FAAH2: variants seen among roughly 807,000 people sequenced by gnomAD.
FAAH2 encodes the protein fatty-acid amide hydrolase 2.
A neutral mutation model predicts 36.9 loss-of-function variants in FAAH2; 60 were observed. The observed-to-expected ratio is 1.63, with a 90% CI of 1.32 to 2.02. The LOEUF (loss-of-function observed/expected upper bound fraction) is 2.02, where lower values mean the gene tolerates loss of function less well. Ranked by LOEUF, FAAH2 falls within the 30% of genes most tolerant of loss-of-function variation. The pLI, the probability that FAAH2 is intolerant of heterozygous loss-of-function variation, is 0.00. For missense variants in FAAH2, 689 were observed against 397.5 expected, an observed-to-expected ratio of 1.73 and a Z score of -6.23; for synonymous variants, 214 against 143.8, an observed-to-expected ratio of 1.49 and a Z score of -3.49.
intron 10 of FAAH2, among the ~76,000 whole-genome samples, chrX:57,468,418 G>C (rs759683964): frequency 3.6e-5 from 4 of 112,015 alleles, no homozygotes; most frequent in African/African-American, 9.7e-5. Flanking sequence ...TGATGGAGCT[G>C]AAAACCATGG....
At chrX:57,214,199 G>A in the FAAH2 span, among the ~76,000 whole-genome samples, 1 of 111,688 alleles carries the variant, frequency 9.0e-6, no homozygotes, top group Non-Finnish European at 1.9e-5. Context: ...TTTAGCAGTA[G>A]GTTTGTTTCT....
intron 10 of FAAH2, among the ~76,000 whole-genome samples, chrX:57,481,660 G>A (rs1413180638): frequency 8.9e-6 from 1 of 111,792 alleles, no homozygotes; most frequent in African/African-American, 3.2e-5. Flanking sequence ...GAGCTGTCTT[G>A]TATGAAGTGT....
At chrX:57,367,258 G>A (rs966793247) in intron 5 of FAAH2, among the ~76,000 whole-genome samples, 4 of 111,981 alleles carry the variant, frequency 3.6e-5, no homozygotes, top group Admixed American at 9.5e-5. Context: ...CCATGAAGTC[G>A]AAATTATTTT....
At chrX:57,417,028 A>G (rs1439427247) in intron 7 of FAAH2, among the ~76,000 whole-genome samples, 1 of 111,484 alleles carries the variant, frequency 9.0e-6, no homozygotes, top group Non-Finnish European at 1.9e-5. Flanking sequence ...TTGGCTATTG[A>G]TACTTGTGTA....
At chrX:57,201,463 A>G in the FAAH2 span, among the ~76,000 whole-genome samples, 1 of 110,403 alleles carries the variant, frequency 9.1e-6, no homozygotes, top group Non-Finnish European at 1.9e-5. Context: ...CTGCTGCTAC[A>G]CACATTATAT....
chrX:57,334,862 T>G (rs2053504153), intron 4 of FAAH2, among the ~76,000 whole-genome samples: 1 of 111,198 alleles, frequency 9.0e-6, no homozygotes, highest in African/African-American at 3.3e-5. Flanking sequence ...AATGGAAACA[T>G]TTAAAACCAG....
the FAAH2 span, among the ~76,000 whole-genome samples, chrX:57,241,998 A>T: frequency 7.1e-5 from 8 of 112,013 alleles, no homozygotes; most frequent in African/African-American, 2.6e-4. Context: ...GGGGAAGGGG[A>T]GGCTGTGGGC....
At chrX:57,480,519 AT>A (rs1426483087) in intron 10 of FAAH2, among the ~76,000 whole-genome samples, 11 of 111,287 alleles carry the variant, frequency 9.9e-5, no homozygotes, top group African/African-American at 3.6e-4. Context: ...TGGATGTGAA[AT>A]TTTGGTTTGG....
At chrX:57,294,246 C>T (rs866600614) in intron 2 of FAAH2, among the ~76,000 whole-genome samples, 1 of 112,093 alleles carries the variant, frequency 8.9e-6, no homozygotes, top group African/African-American at 3.2e-5. Flanking sequence ...ATTGTTATCC[C>T]TGTTTGCTTG....
the FAAH2 span, among the ~76,000 whole-genome samples, chrX:57,201,053 G>GTTT: frequency 4.1e-5 from 4 of 96,536 alleles, no homozygotes; most frequent in Admixed American, 2.3e-4. Context: ...TAGGGTAAAA[G>GTTT]TTTTTTTTTT....
chrX:57,158,640 T>G, the FAAH2 span, among the ~76,000 whole-genome samples: 4 of 112,589 alleles, frequency 3.6e-5, no homozygotes, highest in African/African-American at 9.7e-5. Context: ...GCTGCATAAA[T>G]GTCTTCTTTT....
chrX:57,394,609 C>T lies in FAAH2; in HGVS notation c.996+13580C>T, dbSNP rs920360220. 8.8e-6 allele frequency: 10 copies of T among 1,135,165 alleles called. No individual in the cohort carries two copies. In the African/African-American group the frequency reaches 1.4e-4, roughly 16 times the overall value. 93.6% of individuals were successfully genotyped at this position (1,135,165 alleles called of 1,213,427 possible). On this transcript the variant is annotated intron_variant, in intron 7 of 10. Coordinates refer to ENST00000374900, the MANE Select transcript of FAAH2 (RefSeq NM_174912.4). ...CAGTGCTCTGCATGAGCATTGCAACCGTCATGAGCCCTAAGCCACCAGGAA... is the reference window on the plus strand; with the variant it reads ...CAGTGCTCTGCATGAGCATTGCAACTGTCATGAGCCCTAAGCCACCAGGAA...
chrX:57,237,939 C>A, the FAAH2 span, among the ~76,000 whole-genome samples: 1 of 111,415 alleles, frequency 9.0e-6, no homozygotes, highest in Non-Finnish European at 1.9e-5. Flanking sequence ...CAAATTAAAA[C>A]CACAGTGAGA....
At chrX:57,270,280 C>T in the FAAH2 span, among the ~76,000 whole-genome samples, 33 of 111,566 alleles carry the variant, frequency 3.0e-4, no homozygotes, top group African/African-American at 1.0e-3. Context: ...CTGAATTCTA[C>T]CAAATGTACA....
intron 10 of FAAH2, among the ~76,000 whole-genome samples, chrX:57,456,741 G>A (rs767205214): frequency 9.0e-6 from 1 of 111,231 alleles, no homozygotes; most frequent in South Asian, 3.8e-4. Context: ...GATAGAATCA[G>A]GGATAAAAGT....
the FAAH2 span, among the ~76,000 whole-genome samples, chrX:57,175,127 T>C: frequency 8.9e-6 from 1 of 111,784 alleles, no homozygotes; most frequent in Non-Finnish European, 1.9e-5. Flanking sequence ...TCCTTCTTCA[T>C]TGACTTTCTG....
At chrX:57,300,583 A>G (rs1409561292) in intron 2 of FAAH2, among the ~76,000 whole-genome samples, 10 of 111,752 alleles carry the variant, frequency 8.9e-5, no homozygotes, top group Non-Finnish European at 3.8e-5. Context: ...CAAAAGCAAT[A>G]GCAACAAAAG....
At chrX:57,371,288 A>T (rs962640357) in intron 5 of FAAH2, among the ~76,000 whole-genome samples, 1 of 110,939 alleles carries the variant, frequency 9.0e-6, no homozygotes, top group East Asian at 2.8e-4. Context: ...CTATTTTTCT[A>T]AACTCTATGT....
intron 4 of FAAH2, among the ~76,000 whole-genome samples, chrX:57,333,660 C>T (rs1308220511): frequency 2.8e-5 from 3 of 108,243 alleles, no homozygotes; most frequent in South Asian, 3.9e-4. Flanking sequence ...ATATTGTATA[C>T]AAAACAGGAA....
Sources: allele counts gnomAD v4.1 joint callset (sites outside exome capture counted in the v4.1 genomes callset), GRCh38; gene constraint gnomAD v4.1.1; transcripts MANE v1.5; gene names NCBI Gene and HGNC (gene_info 2026-07-23, HGNC 2026-07-21).